The following UBE2V2 variants were observed in gnomAD, a reference collection of about 807,000 sequenced individuals.
UBE2V2 encodes ubiquitin conjugating enzyme E2 V2.
In UBE2V2, 9 loss-of-function variants were observed where a neutral mutation model predicts 17.2. The ratio of observed to expected loss-of-function variants is 0.52; its 90% CI spans 0.32 to 0.91. UBE2V2 has a LOEUF of 0.91. Among genes scored for constraint, UBE2V2 ranks in the 40% least tolerant of loss-of-function variants. The probability of loss-of-function intolerance (pLI) is 0.04; values close to 1 mark genes in which losing one functional copy is unlikely to be tolerated. For missense variants in UBE2V2, 133 were observed against 182.6 expected (o/e 0.73, Z 1.56); for synonymous variants, 61 against 57.5 (o/e 1.06, Z -0.28).
chr8:48,052,997 C>T (rs1391454138), intron 3 of UBE2V2, among the ~76,000 whole-genome samples: 1 of 152,076 alleles, frequency 6.6e-6, no homozygotes. Context: ...ACCTCCATCT[C>T]CTGGGTTTAA....
chr8:48,056,975 C>G (rs1456996966), intron 3 of UBE2V2, among the ~76,000 whole-genome samples: 1 of 152,168 alleles, frequency 6.6e-6, no homozygotes, highest in Non-Finnish European at 1.5e-5. Flanking sequence ...ATCTGCCTGC[C>G]TTGGCCTCCC....
At chr8:48,026,094 C>CTT (rs894626758) in intron 1 of UBE2V2, among the ~76,000 whole-genome samples, 43 of 146,298 alleles carry the variant, frequency 2.9e-4, no homozygotes, top group African/African-American at 9.0e-4. Context: ...CTGTTCCTTT[C>CTT]TTTTTTTTTT....
chr8:48,018,381 C>T (rs1267669373), intron 1 of UBE2V2, among the ~76,000 whole-genome samples: 1 of 152,018 alleles, frequency 6.6e-6, no homozygotes, highest in Non-Finnish European at 1.5e-5. Context: ...CAATAAACTT[C>T]CTAATTTGTT....
chr8:48,059,177 C>A (rs1016479933), intron 3 of UBE2V2, among the ~76,000 whole-genome samples: 23 of 151,966 alleles, frequency 1.5e-4, no homozygotes, highest in African/African-American at 5.1e-4. Flanking sequence ...TCAGGCAATC[C>A]GCCCGCCTCG....
At chr8:48,030,283 A>G (rs925893332) in intron 1 of UBE2V2, among the ~76,000 whole-genome samples, 1 of 152,226 alleles carries the variant, frequency 6.6e-6, no homozygotes, top group Non-Finnish European at 1.5e-5. Flanking sequence ...CAGTTTATAC[A>G]TATTGAGAGA....
At chr8:48,017,921 G>A (rs559343555) in intron 1 of UBE2V2, among the ~76,000 whole-genome samples, 3 of 148,086 alleles carry the variant, frequency 2.0e-5, no homozygotes, top group Admixed American at 6.9e-5. Flanking sequence ...GTCACGGCTC[G>A]CTGCAGCCTC....
intron 1 of UBE2V2, among the ~76,000 whole-genome samples, chr8:48,017,269 A>G (rs1187511753): frequency 6.6e-6 from 1 of 151,612 alleles, no homozygotes; most frequent in African/African-American, 2.4e-5. Context: ...TTTTTACATG[A>G]GGTTATTTTC....
chr8:48,025,890 G>A (rs1484684687), intron 1 of UBE2V2, among the ~76,000 whole-genome samples: 8 of 152,024 alleles, frequency 5.3e-5, no homozygotes, highest in Admixed American at 5.2e-4. Flanking sequence ...GTGAGCCACC[G>A]CACCGGGCTC....
chr8:48,024,752 A>G (rs1563851555), intron 1 of UBE2V2, among the ~76,000 whole-genome samples: 2 of 152,132 alleles, frequency 1.3e-5, no homozygotes, highest in African/African-American at 2.4e-5. Context: ...GTCTAAAGGC[A>G]TTAATAGAAT....
At chr8:48,037,958 G>A (rs2091435645) in intron 1 of UBE2V2, among the ~76,000 whole-genome samples, 1 of 152,104 alleles carries the variant, frequency 6.6e-6, no homozygotes, top group African/African-American at 2.4e-5. Context: ...GCAGATAAAG[G>A]CTGAATTGCT....
chr8:48,017,526 A>G (rs2091277770), intron 1 of UBE2V2, among the ~76,000 whole-genome samples: 1 of 152,002 alleles, frequency 6.6e-6, no homozygotes, highest in South Asian at 2.1e-4. Context: ...GGCATGTGCC[A>G]CCATGCACTG....
upstream of UBE2V2, among the ~76,000 whole-genome samples, chr8:48,007,069 T>C (rs1372868770): frequency 4.0e-5 from 6 of 151,402 alleles, no homozygotes; most frequent in Non-Finnish European, 7.4e-5. Context: ...TTTTTTTTTT[T>C]AGTAGAGACA....
intron 3 of UBE2V2, among the ~76,000 whole-genome samples, chr8:48,059,616 T>C: frequency 6.6e-6 from 1 of 151,934 alleles, no homozygotes; most frequent in Non-Finnish European, 1.5e-5. Flanking sequence ...ACTATCTATG[T>C]TGGCCATGCT....
intron 3 of UBE2V2, among the ~76,000 whole-genome samples, chr8:48,054,816 T>C (rs1413825776): frequency 2.0e-5 from 3 of 152,216 alleles, no homozygotes; most frequent in Non-Finnish European, 4.4e-5. Context: ...TTGGAGGTCA[T>C]TGTATGTTGT....
At chr8:48,009,300 C>T (rs1403296914) in intron 1 of UBE2V2, among the ~76,000 whole-genome samples, 2 of 150,574 alleles carry the variant, frequency 1.3e-5, no homozygotes, top group Admixed American at 1.3e-4. Context: ...AGAGGCTCAC[C>T]CTGTTGCCCA....
chr8:48,021,724 G>C (rs1429603182), intron 1 of UBE2V2, among the ~76,000 whole-genome samples: 1 of 149,466 alleles, frequency 6.7e-6, no homozygotes, highest in African/African-American at 2.5e-5. Context: ...GTTTTGCTCT[G>C]TCACCCAGGC....
chr8:48,045,492 A>C (rs1447855915), intron 2 of UBE2V2, among the ~76,000 whole-genome samples: 1 of 151,900 alleles, frequency 6.6e-6, no homozygotes, highest in Non-Finnish European at 1.5e-5. Flanking sequence ...ACCCCTTTGG[A>C]GTGGTTCTCA....
At position 48,062,787 on chromosome 8, in the gene UBE2V2, G is replaced by A. The variant is rs1222373189; in HGVS notation, c.*1959G>A. On this transcript the variant is annotated 3_prime_UTR_variant, in exon 4 of 4. Coordinates refer to ENST00000523111, the MANE Select transcript of UBE2V2 (RefSeq NM_003350.3). ...TGTAAACATTAATTTCAACATGGCTGTTGCATTTTAATTATCAAAAATGTT... is the reference window on the plus strand; with the variant it reads ...TGTAAACATTAATTTCAACATGGCTATTGCATTTTAATTATCAAAAATGTT... 6.6e-6 allele frequency: 1 copy of A among 152,090 alleles called. No individual in the cohort carries two copies. The highest frequency in any genetic ancestry group is 1.5e-5 in the Non-Finnish European group (1 of 68,030). The allele number at this position is 152,090 out of a possible 1,614,324, so 9.4% of individuals were successfully genotyped here.
At chr8:48,053,903 C>A (rs920504765) in intron 3 of UBE2V2, among the ~76,000 whole-genome samples, 15 of 151,372 alleles carry the variant, frequency 9.9e-5, no homozygotes, top group African/African-American at 2.9e-4. Flanking sequence ...CTCCTGGGTT[C>A]AAGCGATTCT....
Sources: allele counts gnomAD v4.1 joint callset (sites outside exome capture counted in the v4.1 genomes callset), GRCh38; gene constraint gnomAD v4.1.1; transcripts MANE v1.5; gene names NCBI Gene and HGNC (gene_info 2026-07-23, HGNC 2026-07-21).